The following MIS18A variants were observed in gnomAD, a reference collection of about 807,000 sequenced individuals.
MIS18A encodes MIS18 kinetochore protein A.
MIS18A carries 14 observed loss-of-function variants against 25.0 expected under a neutral mutation model. The observed-to-expected ratio is 0.56, with a 90% confidence interval of 0.37 to 0.88. MIS18A has a LOEUF of 0.88. MIS18A is among the 40% of genes least tolerant of loss of function. The pLI is 0.00. For missense variants in MIS18A, 292 were observed against 290.8 expected (o/e 1.00, Z -0.03); for synonymous variants, 134 against 118.6 (o/e 1.13, Z -0.84).
the MIS18A span, among the ~76,000 whole-genome samples, chr21:32,200,192 A>G: frequency 6.6e-6 from 1 of 152,210 alleles, no homozygotes; most frequent in East Asian, 1.9e-4. Flanking sequence ...CATAATGTAA[A>G]CAAGTAGGCA....
chr21:32,260,249 G>A, the MIS18A span: 1 of 152,028 alleles, frequency 6.6e-6, no homozygotes, highest in Non-Finnish European at 1.5e-5. Flanking sequence ...AAGTAATAAG[G>A]TCAGACCATG....
At chr21:32,188,015 C>T in the MIS18A span, among the ~76,000 whole-genome samples, 1 of 151,780 alleles carries the variant, frequency 6.6e-6, no homozygotes, top group Non-Finnish European at 1.5e-5. Flanking sequence ...CTCTCTCTCT[C>T]TCTCTGTCCC....
chr21:32,266,209 G>A (rs2031596700), downstream of MIS18A, among the ~76,000 whole-genome samples: 1 of 152,162 alleles, frequency 6.6e-6, no homozygotes, highest in South Asian at 2.1e-4. Flanking sequence ...GTGGGGCCTT[G>A]GAGAACCTGT....
the MIS18A span, among the ~76,000 whole-genome samples, chr21:32,210,138 G>T: frequency 6.6e-6 from 1 of 152,130 alleles, no homozygotes; most frequent in Admixed American, 6.5e-5. Flanking sequence ...TTCATAGGGA[G>T]GTGCTGGCAC....
At chr21:32,274,691 C>A (rs1002030915) in intron 2 of MIS18A, 139 bp downstream of exon 2, 8 of 648,942 alleles carry the variant, frequency 1.2e-5, no homozygotes, top group Non-Finnish European at 1.9e-5. Flanking sequence ...AAAAAAAGAA[C>A]TGATATATGC....
Position 32,268,878 on chromosome 21 carries a change from C to T in MIS18A, c.*159G>A. On this transcript the variant is annotated 3_prime_UTR_variant, in exon 5 of 5. Transcript: ENST00000290130. Reference sequence around the variant, plus strand: ...TGACCAAGGCTCACTGCAGCCTCAACCTCCCAAGCTCATCTGATCCTCCCA... The same window carrying T: ...TGACCAAGGCTCACTGCAGCCTCAATCTCCCAAGCTCATCTGATCCTCCCA... 4.0e-6 allele frequency: 2 copies of T among 496,196 alleles called. No individual in the cohort carries two copies. Among genetic ancestry groups the T allele is most frequent in the South Asian group, 4.4e-5 (1 of 22,614 alleles). 30.7% of individuals were successfully genotyped at this position (496,196 alleles called of 1,614,324 possible). A position where few individuals can be genotyped will look rare whatever the true frequency, so the allele number is the denominator to read the frequency against.
chr21:32,173,633 C>T, the MIS18A span, among the ~76,000 whole-genome samples: 1 of 152,024 alleles, frequency 6.6e-6, no homozygotes, highest in African/African-American at 2.4e-5. Flanking sequence ...TGATGATGAA[C>T]CTTAAAAACA....
At chr21:32,165,701 A>C in the MIS18A span, among the ~76,000 whole-genome samples, 5 of 152,182 alleles carry the variant, frequency 3.3e-5, no homozygotes, top group Non-Finnish European at 7.4e-5. Flanking sequence ...TGGGGGCAAG[A>C]AAGACTCAGC....
intron 4 of MIS18A, chr21:32,269,485 T>C (rs2031673163): frequency 8.0e-6 from 4 of 497,146 alleles, no homozygotes; most frequent in Admixed American, 7.6e-5. Flanking sequence ...TTTTAATATA[T>C]AGTTTTGATT....
chr21:32,185,720 C>T, the MIS18A span, among the ~76,000 whole-genome samples: 3 of 152,084 alleles, frequency 2.0e-5, no homozygotes, highest in Non-Finnish European at 4.4e-5. Context: ...CTTCCCCTCT[C>T]GCTCTGTCTA....
the MIS18A span, among the ~76,000 whole-genome samples, chr21:32,216,773 T>C: frequency 1.3e-5 from 2 of 152,202 alleles, no homozygotes; most frequent in African/African-American, 4.8e-5. Context: ...TGACTGAATG[T>C]TAAAGGTGGG....
intron 2 of MIS18A, among the ~76,000 whole-genome samples, chr21:32,273,432 C>G (rs1166427646): frequency 6.6e-6 from 1 of 151,982 alleles, no homozygotes; most frequent in African/African-American, 2.4e-5. Flanking sequence ...TACATAGAAG[C>G]CCCCCAGCCA....
At chr21:32,273,278 T>C (rs1005592628) in intron 2 of MIS18A, among the ~76,000 whole-genome samples, 1 of 152,102 alleles carries the variant, frequency 6.6e-6, no homozygotes, top group Admixed American at 6.6e-5. Context: ...GGAGGTTTTA[T>C]AACACAGGCA....
At chr21:32,205,054 T>C in the MIS18A span, among the ~76,000 whole-genome samples, 1 of 150,088 alleles carries the variant, frequency 6.7e-6, no homozygotes, top group African/African-American at 2.4e-5. Flanking sequence ...TGCCTTTGCC[T>C]ACCTCAGTGA....
At chr21:32,177,904 TTTTC>T in the MIS18A span, among the ~76,000 whole-genome samples, 4 of 90,154 alleles carry the variant, frequency 4.4e-5, no homozygotes, top group African/African-American at 6.8e-5. Flanking sequence ...CTGGCTTTTT[TTTTC>T]TTTTGTTTTC....
chr21:32,185,310 G>T, the MIS18A span, among the ~76,000 whole-genome samples: 2 of 152,074 alleles, frequency 1.3e-5, no homozygotes, highest in African/African-American at 4.8e-5. Context: ...GAGAAAAAAC[G>T]GAGCACTCCC....
At chr21:32,203,985 G>T in the MIS18A span, among the ~76,000 whole-genome samples, 4 of 152,060 alleles carry the variant, frequency 2.6e-5, no homozygotes, top group Non-Finnish European at 4.4e-5. Flanking sequence ...TAGACTCATG[G>T]ATTCAATCCT....
At chr21:32,227,177 C>A in the MIS18A span, among the ~76,000 whole-genome samples, 1 of 150,462 alleles carries the variant, frequency 6.6e-6, no homozygotes, top group Non-Finnish European at 1.5e-5. Flanking sequence ...AGAACTAAAC[C>A]CAAAGCAGAA....
At chr21:32,216,630 T>C in the MIS18A span, among the ~76,000 whole-genome samples, 1 of 152,218 alleles carries the variant, frequency 6.6e-6, no homozygotes, top group Non-Finnish European at 1.5e-5. Context: ...TAATCTAAAA[T>C]GCCACATATA....
Sources: allele counts gnomAD v4.1 joint callset (sites outside exome capture counted in the v4.1 genomes callset), GRCh38; gene constraint gnomAD v4.1.1; transcripts MANE v1.5; gene names NCBI Gene and HGNC (gene_info 2026-07-23, HGNC 2026-07-21).